DNAH7: variants seen among roughly 807,000 people sequenced by gnomAD.
DNAH7 encodes the protein axonemal beta dynein heavy chain 7.
DNAH7 carries 397 observed loss-of-function variants against 444.6 expected under a neutral mutation model. The observed-to-expected ratio is 0.89, with a 90% CI of 0.82 to 0.97. The LOEUF (loss-of-function observed/expected upper bound fraction) is 0.97. Ranked by LOEUF, DNAH7 falls within the 50% of genes least tolerant of loss-of-function variation. The pLI is 0.00. For missense variants in DNAH7, 4,902 were observed against 4,800.8 expected (o/e 1.02, Z -0.62); for synonymous variants, 1,636 against 1,624.4 (o/e 1.01, Z -0.17).
At chr2:195,918,731 A>G (rs1032857245) in intron 24 of DNAH7, among the ~76,000 whole-genome samples, 7 of 152,302 alleles carry the variant, frequency 4.6e-5, no homozygotes, top group African/African-American at 1.7e-4. Context: ...AGTGGTCGAC[A>G]GGGGTTCTGC....
At chr2:195,984,350 AT>A (rs1692768167) in intron 15 of DNAH7, among the ~76,000 whole-genome samples, 1 of 151,690 alleles carries the variant, frequency 6.6e-6, no homozygotes, top group Non-Finnish European at 1.5e-5. Flanking sequence ...TATTTATTTT[AT>A]TTATTTATTT....
At chr2:196,017,798 C>A (rs1448753652) in intron 9 of DNAH7, among the ~76,000 whole-genome samples, 1 of 151,874 alleles carries the variant, frequency 6.6e-6, no homozygotes, top group East Asian at 1.9e-4. Flanking sequence ...GTAAAAATAA[C>A]CTTCAGGTGG....
chr2:195,974,989 T>C (rs990530506), intron 15 of DNAH7, among the ~76,000 whole-genome samples: 1 of 152,200 alleles, frequency 6.6e-6, no homozygotes, highest in Non-Finnish European at 1.5e-5. Flanking sequence ...TTTTGAATGA[T>C]TTTTATGATT....
chr2:195,896,423 A>C (rs1702324189), intron 29 of DNAH7, among the ~76,000 whole-genome samples: 2 of 151,678 alleles, frequency 1.3e-5, no homozygotes, highest in Non-Finnish European at 2.9e-5. Context: ...TATTGTACTT[A>C]AGTAATCTTT....
chr2:195,751,253 A>G (rs954916853), intron 63 of DNAH7, among the ~76,000 whole-genome samples: 2 of 152,210 alleles, frequency 1.3e-5, no homozygotes, highest in African/African-American at 4.8e-5. Flanking sequence ...TGTCCCAATG[A>G]TTCTTTATTC....
chr2:195,977,760 A>G (rs1692300301), intron 15 of DNAH7, among the ~76,000 whole-genome samples: 1 of 152,152 alleles, frequency 6.6e-6, no homozygotes, highest in Admixed American at 6.6e-5. Context: ...GAGAAAATAA[A>G]CAACCCCCAA....
intron 61 of DNAH7, among the ~76,000 whole-genome samples, chr2:195,762,016 T>G (rs926757254): frequency 6.6e-6 from 1 of 151,924 alleles, no homozygotes; most frequent in Non-Finnish European, 1.5e-5. Context: ...TAAAAAATAA[T>G]AACTACAACA....
At position 195,853,493 on chromosome 2, in the gene DNAH7, T is replaced by C. The variant is rs550251727; in HGVS notation, c.8631A>G (p.Glu2877=). ...DLCSKKLERA[E]QLIGGLGGEK... The stretch of plus-strand genomic sequence containing the variant: ...CACCTCCAAGGCCTCCAATCAACTG[T>C]TCAGCTCGTTCTAGTTTTTTGCTGC... The change falls in exon 46 of 65, where the codon GAA becomes GAG. Residue 2877 remains glutamate, a synonymous_variant. Transcript: ENST00000312428. 314 of 1,612,026 alleles carry C rather than the reference T, an allele frequency of 1.9e-4. 1 individual carries two copies. The South Asian group carries it at 3.3e-3, about 17-fold the overall frequency.
At chr2:195,951,568 T>A (rs1690260561) in intron 19 of DNAH7, among the ~76,000 whole-genome samples, 1 of 152,050 alleles carries the variant, frequency 6.6e-6, no homozygotes, top group Non-Finnish European at 1.5e-5. Flanking sequence ...TGTGTGGGAG[T>A]CCAAGTCTCT....
At chr2:195,959,126 C>T (rs1252449585) in intron 18 of DNAH7, among the ~76,000 whole-genome samples, 3 of 151,936 alleles carry the variant, frequency 2.0e-5, no homozygotes, top group East Asian at 1.9e-4. Flanking sequence ...CATAGTCTTA[C>T]GTATATTAAC....
intron 40 of DNAH7, among the ~76,000 whole-genome samples, chr2:195,869,123 A>G (rs1700523985): frequency 6.6e-6 from 1 of 151,840 alleles, no homozygotes; most frequent in Admixed American, 6.6e-5. Context: ...GAAAGTGAAG[A>G]AAAGGGGGAA....
At chr2:196,032,865 C>T (rs998731331) in intron 5 of DNAH7, among the ~76,000 whole-genome samples, 3 of 152,090 alleles carry the variant, frequency 2.0e-5, no homozygotes, top group African/African-American at 7.2e-5. Context: ...AAATCCCGAA[C>T]AAAATACTAG....
At chr2:195,910,285 C>A (rs1197178697) in intron 24 of DNAH7, 90 bp from the exon 25 acceptor site, 1 of 1,044,658 alleles carries the variant, frequency 9.6e-7, no homozygotes, top group Non-Finnish European at 1.3e-6. Flanking sequence ...AAATTGAGAA[C>A]CAAACCTCCA....
At chr2:195,859,222 T>C (rs1462290) in intron 42 of DNAH7, among the ~76,000 whole-genome samples, 82,029 of 152,050 alleles carry the variant, frequency 0.54, 25,086 homozygotes, top group South Asian at 0.73. Context: ...CAAAATATAT[T>C]ATTTTGAATG....
Position 195,864,985 on chromosome 2 carries a change from T to C in DNAH7, c.6670A>G (p.Thr2224Ala), listed in dbSNP as rs2125097026. 6.2e-7 allele frequency: 1 copy of C among 1,604,440 alleles called. No homozygotes were observed. Among genetic ancestry groups the C allele is most frequent in the South Asian group, 1.1e-5 (1 of 91,076 alleles). Residue 2224 changes from threonine to alanine, a missense_variant, in exon 41 of 65, where the codon ACA becomes GCA. Transcript: ENST00000312428. ...TAGTTGATGAGCCAGCTTCTGTCTG[T>C]ATTGTCCAGAAGGCGGTCATAATAC... The part of the protein sequence containing the change: ...RVYYDRLLDN[T>A]DRSWLINYIQ...
chr2:195,772,154 A>C (rs1694870077), intron 60 of DNAH7, among the ~76,000 whole-genome samples: 1 of 152,220 alleles, frequency 6.6e-6, no homozygotes, highest in Middle Eastern at 3.2e-3. Context: ...AATAAGCTGT[A>C]TGCTTGGCTG....
intron 27 of DNAH7, chr2:195,901,421 T>TA (rs1686698676): frequency 2.0e-5 from 3 of 152,306 alleles, no homozygotes; most frequent in Admixed American, 1.3e-4. Flanking sequence ...AAAAGCAACT[T>TA]AAAAAATCAA....
At position 196,018,793 on chromosome 2, in the gene DNAH7, T is replaced by C. The variant is rs564429177; in HGVS notation, c.869+377A>G. On this transcript the variant is annotated intron_variant, in intron 9 of 64. Transcript: ENST00000312428. ...ACTACAGTCAATAATACTTTAATTG[T>C]ACATTTTAAAATAACTAAAGGAGTA... Among the ~76,000 whole-genome samples, 18 of 152,208 alleles carry C rather than the reference T, an allele frequency of 1.2e-4. 1 individual carries two copies. The highest frequency in any genetic ancestry group is 3.4e-3 in the Middle Eastern group (1 of 294).
At chr2:195,933,847 A>C (rs7594022) in intron 21 of DNAH7, among the ~76,000 whole-genome samples, 9,256 of 152,026 alleles carry the variant, frequency 0.061, 377 homozygotes, top group African/African-American at 0.12. Flanking sequence ...CATGTATACA[A>C]ATGTAACAAA....
Sources: gnomAD v4.1 joint callset for allele counts (sites outside exome capture counted in the v4.1 genomes callset) on GRCh38, gnomAD v4.1.1 for gene constraint, MANE v1.5 for transcripts, NCBI Gene and HGNC (gene_info 2026-07-23, HGNC 2026-07-21) for gene names.